The following MAP2 variants were observed in gnomAD, a reference collection of about 807,000 sequenced individuals.
MAP2 encodes the protein microtubule associated protein 2.
MAP2 carries 14 observed loss-of-function variants against 137.6 expected under a neutral mutation model. That is an observed-to-expected ratio of 0.10 (90% CI 0.07 to 0.16). MAP2 has a LOEUF of 0.16. MAP2 is among the 10% of genes least tolerant of loss of function. The pLI is 1.00. For synonymous variants in MAP2, 786 were observed against 782.3 expected (o/e 1.00, Z -0.08); for missense variants, 2,088 against 2,191.5 (o/e 0.95, Z 0.94).
At chr2:209,686,934 A>C (rs1461785458) in intron 7 of MAP2, among the ~76,000 whole-genome samples, 1 of 152,142 alleles carries the variant, frequency 6.6e-6, no homozygotes, top group Non-Finnish European at 1.5e-5. Context: ...CAGAAGGAAA[A>C]CAAAACATAA....
intron 12 of MAP2, among the ~76,000 whole-genome samples, chr2:209,706,574 A>C (rs962605502): frequency 1.3e-5 from 2 of 151,960 alleles, no homozygotes; most frequent in Non-Finnish European, 2.9e-5. Flanking sequence ...CACAGTTCGC[A>C]AGTGGTTGAA....
At chr2:209,502,340 GTAT>G (rs1486353786) in intron 1 of MAP2, among the ~76,000 whole-genome samples, 1 of 152,132 alleles carries the variant, frequency 6.6e-6, no homozygotes, top group African/African-American at 2.4e-5. Context: ...AGATTATGCA[GTAT>G]TTTTCTTTCT....
intron 5 of MAP2, among the ~76,000 whole-genome samples, chr2:209,674,242 TTTAAAGTAGAAATA>T (rs1356351206): frequency 1.3e-5 from 2 of 151,876 alleles, no homozygotes; most frequent in Non-Finnish European, 2.9e-5. Context: ...TTGCTCTTTC[TTTAAAGTAGAAATA>T]TTAAAGTAGA....
intron 2 of MAP2, among the ~76,000 whole-genome samples, chr2:209,575,668 A>G (rs914128942): frequency 1.3e-5 from 2 of 152,144 alleles, no homozygotes; most frequent in African/African-American, 4.8e-5. Context: ...AGACATTCCA[A>G]TTCATCCACT....
chr2:209,660,225 G>A (rs2042785387), intron 5 of MAP2, among the ~76,000 whole-genome samples: 1 of 151,948 alleles, frequency 6.6e-6, no homozygotes. Flanking sequence ...TGCCAAAGAG[G>A]CAGGAATGGA....
rs779240553 is a variant in MAP2, at chr2:209,695,884, G to A, written c.3714G>A (p.Glu1238=). 6.2e-7 allele frequency: 1 copy of A among 1,614,108 alleles called. No homozygotes were observed. Among genetic ancestry groups the A allele is most frequent in the South Asian group, 1.1e-5 (1 of 91,078 alleles). The change falls in exon 8 of 16, where the codon GAG becomes GAA. Residue 1238 remains glutamate (E), a synonymous_variant. Coordinates refer to ENST00000682079, the MANE Select transcript of MAP2 (RefSeq NM_001375505.1). The stretch of plus-strand genomic sequence containing the variant: ...CAGAGATTCAGAGTGAGGAAGAAGA[G>A]ATAGAAGCCCAGGGAGAATATGATA... ...EPAEIQSEEE[E]IEAQGEYDKL...
At chr2:209,608,310 A>T (rs2085524367) in intron 3 of MAP2, among the ~76,000 whole-genome samples, 1 of 151,530 alleles carries the variant, frequency 6.6e-6, no homozygotes, top group Admixed American at 6.6e-5. Flanking sequence ...TTTAATGGAG[A>T]CAGTATCTTG....
At chr2:209,593,612 G>T in intron 3 of MAP2, among the ~76,000 whole-genome samples, 1 of 16,022 alleles carries the variant, frequency 6.2e-5, no homozygotes, top group South Asian at 2.8e-3. Context: ...CCAAGACCCT[G>T]TCTCTACAAA....
At chr2:209,716,891 A>C (rs1012027904) in intron 13 of MAP2, among the ~76,000 whole-genome samples, 1 of 152,208 alleles carries the variant, frequency 6.6e-6, no homozygotes, top group Non-Finnish European at 1.5e-5. Context: ...CAGTTCATCA[A>C]AAAACATTCA....
chr2:209,506,852 A>G (rs1030377841), intron 1 of MAP2, among the ~76,000 whole-genome samples: 3 of 152,150 alleles, frequency 2.0e-5, no homozygotes, highest in Admixed American at 6.5e-5. Flanking sequence ...CAGATTAAAG[A>G]CCTGTGTCAG....
chr2:209,684,878 A>T (rs2056391433), intron 7 of MAP2, among the ~76,000 whole-genome samples: 1 of 152,166 alleles, frequency 6.6e-6, no homozygotes, highest in Non-Finnish European at 1.5e-5. Flanking sequence ...AAATAAATTT[A>T]ATTTTTAATA....
intron 3 of MAP2, among the ~76,000 whole-genome samples, chr2:209,611,349 A>C (rs1156333803): frequency 6.6e-6 from 1 of 152,122 alleles, no homozygotes; most frequent in Non-Finnish European, 1.5e-5. Context: ...TTTTGGTGTC[A>C]ACACATGTTT....
intron 2 of MAP2, among the ~76,000 whole-genome samples, chr2:209,523,815 G>A (rs1013132148): frequency 3.3e-5 from 5 of 152,178 alleles, no homozygotes; most frequent in African/African-American, 1.2e-4. Context: ...GCTTAGTGTT[G>A]TTTATAATTT....
chr2:209,671,633 CACA>C (rs1194751784), intron 5 of MAP2, among the ~76,000 whole-genome samples: 2 of 152,014 alleles, frequency 1.3e-5, no homozygotes, highest in East Asian at 3.9e-4. Flanking sequence ...TTTCTTTGAA[CACA>C]ACATTATTAT....
chr2:209,695,955 T>G lies in MAP2; in HGVS notation c.3785T>G (p.Val1262Gly), dbSNP rs1405618249. 2 of 1,613,894 alleles carry G rather than the reference T, an allele frequency of 1.2e-6. No individual in the cohort carries two copies. Among genetic ancestry groups the G allele is most frequent in the Non-Finnish European group, 1.7e-6 (2 of 1,179,990 alleles). ...SDTLQITDLG[V>G]SGAREEFVET... ...ACCCTTCAGATAACTGACCTGGGTG[T>G]CTCAGGTGCCAGGGAGGAATTTGTG... The change falls in exon 8 of 16, where the codon GTC becomes GGC. Residue 1262 changes from valine (V) to glycine (G), a missense_variant. Around this residue, in one of 6 missense-constraint regions of MAP2, gnomAD observed 591 missense variants for 642.6 expected, o/e 0.92. Coordinates refer to ENST00000682079, the MANE Select transcript of MAP2 (RefSeq NM_001375505.1).
At chr2:209,515,933 G>C (rs1220542810) in intron 2 of MAP2, among the ~76,000 whole-genome samples, 1 of 151,984 alleles carries the variant, frequency 6.6e-6, no homozygotes, top group African/African-American at 2.4e-5. Flanking sequence ...GGCCACAGGT[G>C]CACACCACTA....
intron 2 of MAP2, among the ~76,000 whole-genome samples, chr2:209,565,735 A>G (rs1386509778): frequency 6.6e-6 from 1 of 152,204 alleles, no homozygotes; most frequent in Non-Finnish European, 1.5e-5. Flanking sequence ...GTCCAACAAG[A>G]AATCACAAAT....
At chr2:209,539,555 A>G (rs2066535550) in intron 2 of MAP2, among the ~76,000 whole-genome samples, 1 of 152,210 alleles carries the variant, frequency 6.6e-6, no homozygotes, top group African/African-American at 2.4e-5. Flanking sequence ...TTCCTAAATG[A>G]CTATTCTCTA....
At chr2:209,433,160 C>G (rs1694781149) in intron 1 of MAP2, among the ~76,000 whole-genome samples, 1 of 152,086 alleles carries the variant, frequency 6.6e-6, no homozygotes, top group African/African-American at 2.4e-5. Context: ...AGCTAACATT[C>G]TAGCAGCAGG....
Sources: gnomAD v4.1 joint callset for allele counts (sites outside exome capture counted in the v4.1 genomes callset) on GRCh38, gnomAD v4.1.1 for gene constraint, gnomAD v4.1.1 regional missense constraint, MANE v1.5 for transcripts, NCBI Gene and HGNC (gene_info 2026-07-23, HGNC 2026-07-21) for gene names.